The following CDH4 variants were observed in gnomAD, a reference collection of about 807,000 sequenced individuals.
CDH4 encodes cadherin 4.
Under a neutral mutation model 86.0 loss-of-function variants are expected in CDH4, and 33 were observed. That is an observed-to-expected ratio of 0.38 (90% CI 0.29 to 0.51). CDH4 has a LOEUF of 0.51. Ranked by LOEUF, CDH4 falls within the 20% of genes least tolerant of loss-of-function variation. CDH4 has a pLI of 0.86. For missense variants in CDH4, 1,114 were observed against 1,307.4 expected (o/e 0.85, Z 2.28); for synonymous variants, 555 against 549.4 (o/e 1.01, Z -0.14).
intron 2 of CDH4, among the ~76,000 whole-genome samples, chr20:61,596,730 A>T (rs2086559928): frequency 1.3e-5 from 2 of 152,194 alleles, no homozygotes; most frequent in Non-Finnish European, 2.9e-5. Context: ...GATGAATAAC[A>T]TCATGGATGG....
At chr20:61,563,201 C>A (rs559307464) in intron 2 of CDH4, among the ~76,000 whole-genome samples, 3 of 152,378 alleles carry the variant, frequency 2.0e-5, no homozygotes, top group African/African-American at 7.2e-5. Context: ...CACTGCCCAG[C>A]GGCAGCTCTG....
At chr20:61,888,238 GCCCCT>G (rs1984634948) in intron 7 of CDH4, among the ~76,000 whole-genome samples, 2 of 152,168 alleles carry the variant, frequency 1.3e-5, no homozygotes, top group Non-Finnish European at 2.9e-5. Flanking sequence ...CAGGATCCCG[GCCCCT>G]CACCAAGGTG....
chr20:61,287,092 C>T (rs1381688436), intron 2 of CDH4, among the ~76,000 whole-genome samples: 3 of 152,192 alleles, frequency 2.0e-5, no homozygotes, highest in African/African-American at 7.2e-5. Context: ...GGCCCTGAAG[C>T]TGCAGGTCCT....
chr20:61,798,966 G>C (rs774958478), intron 4 of CDH4, among the ~76,000 whole-genome samples: 2 of 152,242 alleles, frequency 1.3e-5, no homozygotes, highest in African/African-American at 4.8e-5. Flanking sequence ...CAGCTACTGT[G>C]TTGTGATCAA....
chr20:61,803,446 T>G (rs1979945037), intron 4 of CDH4, among the ~76,000 whole-genome samples: 1 of 152,218 alleles, frequency 6.6e-6, no homozygotes, highest in Admixed American at 6.5e-5. Context: ...TCAACTTTAT[T>G]TGGAAATATG....
chr20:61,662,370 A>T (rs1304760343), intron 2 of CDH4, among the ~76,000 whole-genome samples: 1 of 152,230 alleles, frequency 6.6e-6, no homozygotes, highest in Non-Finnish European at 1.5e-5. Flanking sequence ...GTGTAGCACC[A>T]GGTTGTGCTG....
intron 2 of CDH4, among the ~76,000 whole-genome samples, chr20:61,546,523 C>G (rs2086088452): frequency 1.3e-5 from 2 of 151,854 alleles, no homozygotes; most frequent in African/African-American, 4.8e-5. Flanking sequence ...ACTTCCTTAA[C>G]TCAACTCCTC....
intron 2 of CDH4, among the ~76,000 whole-genome samples, chr20:61,581,352 G>A (rs1476832947): frequency 1.3e-5 from 2 of 152,210 alleles, no homozygotes; most frequent in African/African-American, 4.8e-5. Flanking sequence ...CAGCCTCACT[G>A]GGCTACAGCC....
At chr20:61,554,400 C>T (rs2086158331) in intron 2 of CDH4, among the ~76,000 whole-genome samples, 1 of 152,236 alleles carries the variant, frequency 6.6e-6, no homozygotes, top group Admixed American at 6.5e-5. Context: ...GCCCTTGAAA[C>T]ATTATGTCGC....
intron 2 of CDH4, among the ~76,000 whole-genome samples, chr20:61,346,747 A>G (rs2084681398): frequency 6.6e-6 from 1 of 151,868 alleles, no homozygotes; most frequent in African/African-American, 2.4e-5. Context: ...CTGTCAAAAA[A>G]AAAAAAAAAA....
intron 2 of CDH4, among the ~76,000 whole-genome samples, chr20:61,503,262 G>T (rs984770567): frequency 1.3e-5 from 2 of 152,156 alleles, no homozygotes; most frequent in African/African-American, 2.4e-5. Flanking sequence ...AAATGTGTCC[G>T]TTCATAGTTG....
rs1468652645 is a variant in CDH4, at chr20:61,940,521, T to C, written c.*3578T>C. 1 of 151,542 alleles carries C rather than the reference T, an allele frequency of 6.6e-6. No individual in the cohort carries two copies. Among genetic ancestry groups the C allele is most frequent in the Admixed American group, 6.6e-5 (1 of 15,228 alleles). The allele number at this position is 151,542 out of a possible 1,614,324, so 9.4% of individuals were successfully genotyped here. A position where few individuals can be genotyped will look rare whatever the true frequency, so the allele number is the denominator to read the frequency against. On this transcript the variant is annotated 3_prime_UTR_variant, in exon 16 of 16. Coordinates refer to ENST00000614565, the MANE Select transcript of CDH4 (RefSeq NM_001794.5). ...TCAGTGTGTTTCCAGTGCCAGACAG[T>C]CTTGGTCCTGAACTCAGTAGACCCT...
At chr20:61,306,088 C>T (rs1434572839) in intron 2 of CDH4, among the ~76,000 whole-genome samples, 11 of 152,192 alleles carry the variant, frequency 7.2e-5, no homozygotes, top group Non-Finnish European at 5.9e-5. Context: ...CTGGCCATCA[C>T]GCTCTTGAAA....
chr20:61,796,871 G>A (rs889694036), intron 4 of CDH4, among the ~76,000 whole-genome samples: 1 of 152,208 alleles, frequency 6.6e-6, no homozygotes, highest in African/African-American at 2.4e-5. Flanking sequence ...TTCTGCTGAA[G>A]TGGGAAATCT....
intron 2 of CDH4, among the ~76,000 whole-genome samples, chr20:61,333,997 G>A (rs1054956545): frequency 6.6e-6 from 1 of 152,202 alleles, no homozygotes. Context: ...CTCTTCACAG[G>A]CTGAGAAGGG....
At chr20:61,849,560 G>A (rs1043076268) in intron 5 of CDH4, among the ~76,000 whole-genome samples, 1 of 151,916 alleles carries the variant, frequency 6.6e-6, no homozygotes, top group Non-Finnish European at 1.5e-5. Flanking sequence ...ACCGGCCTGG[G>A]TGCTCCCCCG....
At chr20:61,284,988 C>G (rs2084285061) in intron 2 of CDH4, among the ~76,000 whole-genome samples, 1 of 152,242 alleles carries the variant, frequency 6.6e-6, no homozygotes, top group South Asian at 2.1e-4. Context: ...TTGTCCCTCC[C>G]TGCTCTGTAA....
chr20:61,354,324 T>C (rs926239196), intron 2 of CDH4, among the ~76,000 whole-genome samples: 1 of 152,116 alleles, frequency 6.6e-6, no homozygotes, highest in Non-Finnish European at 1.5e-5. Context: ...AGTCAAATCA[T>C]TCTCCTTTGA....
chr20:61,712,990 C>T (rs988264195), intron 2 of CDH4, among the ~76,000 whole-genome samples: 4 of 152,168 alleles, frequency 2.6e-5, no homozygotes, highest in Non-Finnish European at 5.9e-5. Context: ...CCCTGAGACT[C>T]GTGACTTGGC....
Sources: gnomAD v4.1 joint callset for allele counts (sites outside exome capture counted in the v4.1 genomes callset) on GRCh38, gnomAD v4.1.1 for gene constraint, MANE v1.5 for transcripts, NCBI Gene and HGNC (gene_info 2026-07-23, HGNC 2026-07-21) for gene names.